GNE: variants seen among roughly 807,000 people sequenced by gnomAD.
The protein encoded by GNE is glucosamine (UDP-N-acetyl)-2-epimerase/N-acetylmannosamine kinase.
A neutral mutation model predicts 61.8 loss-of-function variants in GNE; 41 were observed. That is an observed-to-expected ratio of 0.66 (90% CI 0.52 to 0.86). GNE has a LOEUF of 0.86. GNE is among the 40% of genes least tolerant of loss of function. GNE has a pLI of 0.00. For synonymous variants in GNE, 264 were observed against 326.4 expected, an observed-to-expected ratio of 0.81 and a Z score of 2.06; for missense variants, 608 against 909.1, an observed-to-expected ratio of 0.67 and a Z score of 4.26.
upstream of GNE, chr9:36,263,051 A>G (rs1014397982): frequency 6.6e-6 from 1 of 152,268 alleles, no homozygotes; most frequent in Admixed American, 6.6e-5. Context: ...CACAGCTGTT[A>G]AACAGAAGAG....
rs1298521776 is a variant in GNE, at chr9:36,217,069, G to C, written c.*296C>G. 10 of 442,444 alleles carry C rather than the reference G, an allele frequency of 2.3e-5. No homozygotes were observed. The highest frequency in any genetic ancestry group is 3.8e-5 in the Non-Finnish European group (9 of 238,088). The allele number at this position is 442,444 out of a possible 1,614,324, so 27.4% of individuals were successfully genotyped here. On this transcript the variant is annotated 3_prime_UTR_variant, in exon 12 of 12. Transcript: ENST00000642385. ...AATACATTAGTAAGCAGAGTTCTAA[G>C]AAGGCTTCCTCTCTATTATTGTAGC...
rs191522994 is a variant in GNE at position 36,233,520 on chromosome 9, A to G, written c.982+400T>C. ...TCTCTACTAAAAAATACAAAAAATT[A>G]GCCGGGCTTGGTGGCTGACGCCTGT... On this transcript the variant is annotated intron_variant, in intron 5 of 11. Transcript: ENST00000642385. Among the ~76,000 whole-genome samples the G allele has an allele frequency of 4.1e-4, 63 of 152,266 alleles. 1 individual carries two copies. In the East Asian group the frequency reaches 7.1e-3, roughly 17 times the overall value.
intron 1 of GNE, among the ~76,000 whole-genome samples, chr9:36,266,393 G>T (rs996585481): frequency 6.6e-6 from 1 of 152,234 alleles, no homozygotes; most frequent in Non-Finnish European, 1.5e-5. Context: ...AAAGAAAATT[G>T]CTCCTGTTGC....
At chr9:36,275,727 G>A (rs1008939892) in intron 1 of GNE, among the ~76,000 whole-genome samples, 5 of 152,116 alleles carry the variant, frequency 3.3e-5, no homozygotes, top group Admixed American at 2.0e-4. Context: ...AGCTCAGAAA[G>A]TCTGACCTTG....
At chr9:36,233,889 A>C in intron 5 of GNE, 31 bp downstream of exon 5, 1 of 1,485,004 alleles carries the variant, frequency 6.7e-7, no homozygotes, top group Non-Finnish European at 9.4e-7. Flanking sequence ...TATAAAGCCT[A>C]GTCAGTTGAA....
chr9:36,244,036 T>A (rs957948511), intron 3 of GNE, among the ~76,000 whole-genome samples: 2 of 151,956 alleles, frequency 1.3e-5, no homozygotes, highest in Non-Finnish European at 2.9e-5. Flanking sequence ...TAATCACAGA[T>A]CACTGTAGCC....
chr9:36,239,730 C>T (rs553956997), intron 3 of GNE, among the ~76,000 whole-genome samples: 305 of 152,206 alleles, frequency 2.0e-3, no homozygotes, highest in Admixed American at 4.8e-3. Flanking sequence ...GCCTTGGCCT[C>T]CCAAATTGCT....
chr9:36,220,896 C>G (rs1334905004), intron 9 of GNE, among the ~76,000 whole-genome samples: 2 of 152,228 alleles, frequency 1.3e-5, no homozygotes, highest in Non-Finnish European at 2.9e-5. Context: ...CCATCTGTCA[C>G]TTCTTGGGCA....
intron 3 of GNE, among the ~76,000 whole-genome samples, chr9:36,245,047 G>A (rs1387232456): frequency 6.6e-6 from 1 of 151,938 alleles, no homozygotes; most frequent in Admixed American, 6.6e-5. Context: ...GGAGGCTGAG[G>A]TGGGCGGATC....
rs1038342476 is a variant in GNE at position 36,214,989 on chromosome 9, T to A, written c.*2376A>T. ...TCCCAAAATAGAAATCTGAAAGATA[T>A]ATGCACATGATTTCTTAGATCATCT... On this transcript the variant is annotated 3_prime_UTR_variant, in exon 12 of 12. Coordinates refer to ENST00000642385, the MANE Select transcript of GNE (RefSeq NM_005476.7). 6.6e-6 allele frequency: 1 copy of A among 152,156 alleles called. No homozygotes were observed. The allele number at this position is 152,156 out of a possible 1,614,324, so 9.4% of individuals were successfully genotyped here. A position where few individuals can be genotyped will look rare whatever the true frequency, so the allele number is the denominator to read the frequency against.
intron 7 of GNE, among the ~76,000 whole-genome samples, chr9:36,225,842 G>A (rs1002670227): frequency 2.0e-5 from 3 of 152,194 alleles, no homozygotes; most frequent in Admixed American, 6.5e-5. Context: ...TCTTCGCTGT[G>A]CATCAGAATC....
intron 1 of GNE, among the ~76,000 whole-genome samples, chr9:36,273,439 A>G (rs1055055297): frequency 6.6e-6 from 1 of 151,172 alleles, no homozygotes; most frequent in African/African-American, 2.4e-5. Context: ...CTGGTCTCGA[A>G]CTCCTGATCT....
At chr9:36,256,090 A>C (rs1830320693) in intron 1 of GNE, among the ~76,000 whole-genome samples, 1 of 151,706 alleles carries the variant, frequency 6.6e-6, no homozygotes. Flanking sequence ...ATGCCCAGCT[A>C]ATTTTTTTGT....
chr9:36,269,597 A>G (rs1403007926), intron 1 of GNE, among the ~76,000 whole-genome samples: 1 of 152,024 alleles, frequency 6.6e-6, no homozygotes, highest in East Asian at 1.9e-4. Context: ...TCTGACTTTA[A>G]CATTCAATCT....
intron 1 of GNE, among the ~76,000 whole-genome samples, chr9:36,254,544 A>T (rs10738962): frequency 0.54 from 82,484 of 152,034 alleles, 23,716 homozygotes; most frequent in Non-Finnish European, 0.65. Context: ...AAAAAATTAA[A>T]ATTTAAATCC....
At chr9:36,247,552 C>T (rs1247917759) in intron 2 of GNE, among the ~76,000 whole-genome samples, 1 of 152,088 alleles carries the variant, frequency 6.6e-6, no homozygotes, top group Admixed American at 6.6e-5. Flanking sequence ...CCCTTGGTAA[C>T]TGTGGTAGGC....
At chr9:36,275,790 A>G (rs1792665363) in intron 1 of GNE, among the ~76,000 whole-genome samples, 1 of 152,346 alleles carries the variant, frequency 6.6e-6, no homozygotes, top group Admixed American at 6.5e-5. Context: ...TTCTCATTGA[A>G]GAAGGCAGAT....
intron 7 of GNE, among the ~76,000 whole-genome samples, 192 bp downstream of exon 7, chr9:36,227,056 A>T (rs1828900048): frequency 6.6e-6 from 1 of 152,222 alleles, no homozygotes; most frequent in African/African-American, 2.4e-5. Flanking sequence ...CAAAGAATTT[A>T]CTTCTTTGAA....
chr9:36,216,806 G>C lies in GNE; in HGVS notation c.*559C>G, dbSNP rs1272280365. 6.0e-6 allele frequency: 1 copy of C among 166,566 alleles called. No individual in the cohort carries two copies. Among genetic ancestry groups the C allele is most frequent in the East Asian group, 1.6e-4 (1 of 6,160 alleles). The allele number at this position is 166,566 out of a possible 1,614,324, so 10.3% of individuals were successfully genotyped here. ...CCTGCCTCAGCCTCCCGAGTAGCTG[G>C]GACCCGCCACCACACCCAGCTAATT... On this transcript the variant is annotated 3_prime_UTR_variant, in exon 12 of 12. Coordinates refer to ENST00000642385, the MANE Select transcript of GNE (RefSeq NM_005476.7).
Sources: allele counts gnomAD v4.1 joint callset (sites outside exome capture counted in the v4.1 genomes callset), GRCh38; gene constraint gnomAD v4.1.1; transcripts MANE v1.5; gene names NCBI Gene and HGNC (gene_info 2026-07-23, HGNC 2026-07-21).